Variants in AOPEP observed in about 807,000 individuals in gnomAD.
AOPEP encodes aminopeptidase O (putative), also known as aminopeptidase O.
Under a neutral mutation model 98.1 loss-of-function variants are expected in AOPEP, and 77 were observed. The observed-to-expected ratio is 0.78, with a 90% confidence interval of 0.65 to 0.95. AOPEP has a LOEUF of 0.95. Ranked by LOEUF, AOPEP falls within the 40% of genes least tolerant of loss-of-function variation. The pLI, the probability that AOPEP is intolerant of heterozygous loss-of-function variation, is 0.00. For synonymous variants in AOPEP, 346 were observed against 365.3 expected (o/e 0.95, Z 0.60); for missense variants, 1,024 against 1,024.7 (o/e 1.00, Z 0.01).
intron 14 of AOPEP, among the ~76,000 whole-genome samples, chr9:95,067,179 A>G (rs1195035070): frequency 6.6e-6 from 1 of 152,056 alleles, no homozygotes; most frequent in Non-Finnish European, 1.5e-5. Context: ...ATCTGTCTGG[A>G]CTTCAGGCTG....
chr9:95,107,155 G>C, the AOPEP span: 1 of 1,614,208 alleles, frequency 6.2e-7, no homozygotes, highest in South Asian at 1.1e-5. Flanking sequence ...TGTTGTGCAG[G>C]AGCTCTGAGG....
At chr9:95,068,661 T>C (rs532469647) in intron 14 of AOPEP, among the ~76,000 whole-genome samples, 31 of 152,338 alleles carry the variant, frequency 2.0e-4, no homozygotes, top group Admixed American at 2.0e-3. Flanking sequence ...GTGTATCTCC[T>C]TTGTTTTGTT....
chr9:95,030,738 G>A (rs946014063), intron 13 of AOPEP, among the ~76,000 whole-genome samples: 1 of 152,196 alleles, frequency 6.6e-6, no homozygotes, highest in Non-Finnish European at 1.5e-5. Context: ...AGGGGACACT[G>A]CCAGCTCCCC....
At chr9:94,861,123 T>C (rs1448918872) in intron 5 of AOPEP, among the ~76,000 whole-genome samples, 1 of 152,200 alleles carries the variant, frequency 6.6e-6, no homozygotes, top group Admixed American at 6.5e-5. Flanking sequence ...ACCAGAACTC[T>C]GCATATGGAT....
chr9:94,758,032 C>T (rs1004313146), intron 1 of AOPEP, among the ~76,000 whole-genome samples: 2 of 152,218 alleles, frequency 1.3e-5, no homozygotes, highest in Non-Finnish European at 1.5e-5. Flanking sequence ...TTCTTTGCAA[C>T]CTTGTTTCTC....
At chr9:95,077,814 A>G (rs118091667) in intron 14 of AOPEP, among the ~76,000 whole-genome samples, 1 of 152,154 alleles carries the variant, frequency 6.6e-6, no homozygotes, top group Non-Finnish European at 1.5e-5. Context: ...GTGGTGACGA[A>G]TGGCATGCGA....
At chr9:94,807,799 G>A (rs1199935280) in intron 5 of AOPEP, among the ~76,000 whole-genome samples, 1 of 152,186 alleles carries the variant, frequency 6.6e-6, no homozygotes, top group African/African-American at 2.4e-5. Flanking sequence ...TGGTCATGGA[G>A]CTATGTAAGT....
intron 11 of AOPEP, among the ~76,000 whole-genome samples, chr9:94,981,595 T>G (rs1033328330): frequency 2.0e-5 from 3 of 152,166 alleles, no homozygotes; most frequent in Admixed American, 6.5e-5. Flanking sequence ...TCAGCCCCTT[T>G]CCCACTCCTT....
intron 13 of AOPEP, among the ~76,000 whole-genome samples, chr9:95,057,887 C>G (rs1202290122): frequency 2.4e-4 from 36 of 152,114 alleles, no homozygotes; most frequent in Admixed American, 2.2e-3. Context: ...GCACTGTGGT[C>G]GGGGGCCTTG....
chr9:95,037,340 T>C (rs775674642), intron 13 of AOPEP, among the ~76,000 whole-genome samples: 19 of 152,340 alleles, frequency 1.2e-4, no homozygotes, highest in Admixed American at 3.3e-4. Context: ...TGTTCATTGA[T>C]AGAAGATGAT....
At chr9:95,043,097 A>AC (rs950780201) in intron 13 of AOPEP, among the ~76,000 whole-genome samples, 28 of 87,200 alleles carry the variant, frequency 3.2e-4, no homozygotes, top group East Asian at 6.5e-4. Context: ...ACAAACTGAG[A>AC]CCCCCCAGCC....
At chr9:94,737,437 A>C (rs1156659820) in intron 1 of AOPEP, among the ~76,000 whole-genome samples, 4 of 152,000 alleles carry the variant, frequency 2.6e-5, no homozygotes, top group Non-Finnish European at 5.9e-5. Context: ...GTACCTTTCC[A>C]CTATCTTTCA....
intron 5 of AOPEP, among the ~76,000 whole-genome samples, chr9:94,805,406 C>T (rs924421640): frequency 6.6e-5 from 10 of 151,878 alleles, no homozygotes; most frequent in African/African-American, 1.5e-4. Context: ...TTTTTGACAT[C>T]GTTGGTCACA....
chr9:94,866,970 TG>T (rs1198814469), intron 5 of AOPEP, among the ~76,000 whole-genome samples: 1 of 152,262 alleles, frequency 6.6e-6, no homozygotes, highest in Admixed American at 6.5e-5. Flanking sequence ...GTATGTCATT[TG>T]GACATAAATC....
chr9:94,851,066 G>A (rs945256466), intron 5 of AOPEP, among the ~76,000 whole-genome samples: 3 of 152,176 alleles, frequency 2.0e-5, no homozygotes, highest in African/African-American at 4.8e-5. Flanking sequence ...AGAAAATGAC[G>A]GAGAAGCGGA....
chr9:94,849,592 G>A (rs2043288201), intron 5 of AOPEP, among the ~76,000 whole-genome samples: 1 of 149,852 alleles, frequency 6.7e-6, no homozygotes, highest in South Asian at 2.1e-4. Context: ...TTTTGTGGAA[G>A]ACAGTTTTTC....
chr9:95,074,102 C>A (rs1691345286), intron 14 of AOPEP, among the ~76,000 whole-genome samples: 1 of 152,178 alleles, frequency 6.6e-6, no homozygotes, highest in African/African-American at 2.4e-5. Context: ...TGAGCCCCAT[C>A]CTCATAGCCA....
chr9:94,986,620 C>T (rs1044962899), intron 11 of AOPEP, among the ~76,000 whole-genome samples: 15 of 152,130 alleles, frequency 9.9e-5, no homozygotes, highest in Non-Finnish European at 1.8e-4. Flanking sequence ...GTCTTCATGG[C>T]ATGCGAGAGA....
chr9:94,744,427 G>A (rs1833971513), intron 1 of AOPEP, among the ~76,000 whole-genome samples: 1 of 151,784 alleles, frequency 6.6e-6, no homozygotes, highest in Non-Finnish European at 1.5e-5. Flanking sequence ...TGGGCTGGTT[G>A]CGGTGGCTCA....
Sources: gnomAD v4.1 joint callset for allele counts (sites outside exome capture counted in the v4.1 genomes callset) on GRCh38, gnomAD v4.1.1 for gene constraint, MANE v1.5 for transcripts, NCBI Gene and HGNC (gene_info 2026-07-23, HGNC 2026-07-21) for gene names.